SCARA5: variants seen among roughly 807,000 people sequenced by gnomAD.
SCARA5 encodes the protein scavenger receptor class A member 5, also known as scavenger receptor class A, member 5 (putative).
In SCARA5, 45 loss-of-function variants were observed where a neutral mutation model predicts 46.3. The observed-to-expected ratio is 0.97, with a 90% CI of 0.76 to 1.24. SCARA5 has a LOEUF of 1.24. Ranked by LOEUF, SCARA5 falls within the 50% of genes most tolerant of loss-of-function variation. The pLI is 0.00. For missense variants in SCARA5, 680 were observed against 689.0 expected, an observed-to-expected ratio of 0.99 and a Z score of 0.15; for synonymous variants, 333 against 306.5, an observed-to-expected ratio of 1.09 and a Z score of -0.90.
At chr8:27,927,965 T>C (rs1807708512) in intron 3 of SCARA5, among the ~76,000 whole-genome samples, 1 of 152,262 alleles carries the variant, frequency 6.6e-6, no homozygotes, top group Non-Finnish European at 1.5e-5. Context: ...TTCAAGGTGA[T>C]GCATCAGCTC....
At position 27,907,183 on chromosome 8, in the gene SCARA5, C is replaced by T. The variant is rs779801746; in HGVS notation, c.1061G>A (p.Gly354Glu). The T allele has an allele frequency of 6.2e-7, 1 of 1,613,692 alleles. No individual in the cohort carries two copies. Among genetic ancestry groups the T allele is most frequent in the Admixed American group, 1.7e-5 (1 of 59,982 alleles). ...PGPKGDDGKL[G>E]ATGPMGMRGF... ...ACGCATGCCCATTGGTCCTGTGGCC[C>T]CCAGCTTCCCATCATCGCCCTTGGG... is the stretch of plus-strand genomic sequence containing the variant. The change falls in exon 6 of 9, where the codon GGG (glycine) becomes GAG (glutamate). Residue 354 changes from glycine to glutamate, a missense_variant. Gly to Glu is a moderately conservative substitution (Grantham distance 98). Transcript: ENST00000354914.
chr8:27,947,490 A>T (rs922848626), intron 3 of SCARA5, among the ~76,000 whole-genome samples: 2 of 28,452 alleles, frequency 7.0e-5, no homozygotes, highest in Non-Finnish European at 2.9e-4. Context: ...GTCCACTGAC[A>T]GATGGATGGA....
At chr8:27,927,170 C>T (rs971965512) in intron 3 of SCARA5, among the ~76,000 whole-genome samples, 2 of 152,252 alleles carry the variant, frequency 1.3e-5, no homozygotes, top group East Asian at 3.9e-4. Context: ...CTGTGGGGGT[C>T]CCTAAGCCCA....
chr8:27,914,333 C>T (rs1807426458), intron 4 of SCARA5, among the ~76,000 whole-genome samples: 1 of 152,254 alleles, frequency 6.6e-6, no homozygotes, highest in Non-Finnish European at 1.5e-5. Flanking sequence ...TACACCCACC[C>T]TTCTGGTCTC....
intron 3 of SCARA5, among the ~76,000 whole-genome samples, chr8:27,954,186 A>G (rs1808173541): frequency 6.6e-6 from 1 of 152,122 alleles, no homozygotes; most frequent in African/African-American, 2.4e-5. Context: ...CTCTGCTGTC[A>G]GGGACCTTAA....
chr8:27,876,658 T>C (rs1371380241), intron 8 of SCARA5, among the ~76,000 whole-genome samples: 1 of 152,066 alleles, frequency 6.6e-6, no homozygotes. Context: ...CACCGGACAC[T>C]TGGGTCTGGA....
chr8:27,921,897 A>C lies in SCARA5; in HGVS notation c.590T>G (p.Leu197Arg). 6.6e-7 allele frequency: 1 copy of C among 1,508,250 alleles called. No homozygotes were observed. Among genetic ancestry groups the C allele is most frequent in the Non-Finnish European group, 8.8e-7 (1 of 1,136,298 alleles). 93.4% of individuals were successfully genotyped at this position (1,508,250 alleles called of 1,614,324 possible). A position where few individuals can be genotyped will look rare whatever the true frequency, so the allele number is the denominator to read the frequency against. Residue 197 changes from leucine to arginine, a missense_variant, in exon 4 of 9, where the codon CTG becomes CGG. By Grantham distance (102) the Leu-to-Arg change is moderately radical. Transcript: ENST00000354914. Reference sequence around the variant, plus strand: ...CAGGCCCGCGTGGCGCCTCAGCAGCAGCTGGCTACTGTTGCTCTCCACCTG... The same window carrying C: ...CAGGCCCGCGTGGCGCCTCAGCAGCCGCTGGCTACTGTTGCTCTCCACCTG... ...QLQVESNSSQ[L>R]LLRRHAGLLD...
chr8:27,871,217 A>C lies in SCARA5; in HGVS notation c.*717T>G, dbSNP rs1439278288. On this transcript the variant is annotated 3_prime_UTR_variant, in exon 9 of 9. Coordinates refer to ENST00000354914, the MANE Select transcript of SCARA5 (RefSeq NM_173833.6). ...GCTACCTGGAGGTAAGGCTGTATCC[A>C]GACTGACATGCCCTGGACCAATGCA... The C allele has an allele frequency of 6.4e-6, 1 of 155,518 alleles. No individual in the cohort carries two copies. The highest frequency in any genetic ancestry group is 2.4e-5 in the African/African-American group (1 of 41,506). 9.6% of individuals were successfully genotyped at this position (155,518 alleles called of 1,614,324 possible).
At chr8:27,985,216 G>A (rs1452412654) in intron 2 of SCARA5, among the ~76,000 whole-genome samples, 1 of 152,172 alleles carries the variant, frequency 6.6e-6, no homozygotes, top group Non-Finnish European at 1.5e-5. Context: ...CAGGGAAAGG[G>A]GGATGGAAAC....
chr8:27,888,479 C>T (rs1046512317), intron 7 of SCARA5, among the ~76,000 whole-genome samples: 1 of 152,226 alleles, frequency 6.6e-6, no homozygotes, highest in Non-Finnish European at 1.5e-5. Flanking sequence ...CAATGTATAA[C>T]ATCCATGTCT....
intron 2 of SCARA5, among the ~76,000 whole-genome samples, chr8:27,979,589 C>T (rs1004198854): frequency 2.6e-5 from 4 of 151,434 alleles, no homozygotes; most frequent in Non-Finnish European, 2.9e-5. Flanking sequence ...AGTTGTACTC[C>T]GTTGCCCAGG....
intron 6 of SCARA5, among the ~76,000 whole-genome samples, chr8:27,905,612 A>G (rs4515501): frequency 0.72 from 105,723 of 147,458 alleles, 38,389 homozygotes; most frequent in East Asian, 0.8. Context: ...AAGCATTGAC[A>G]GTAGTTATTC....
chr8:27,935,729 G>A (rs1055977470), intron 3 of SCARA5, among the ~76,000 whole-genome samples: 1 of 152,180 alleles, frequency 6.6e-6, no homozygotes, highest in South Asian at 2.1e-4. Context: ...TGGATTCTAG[G>A]ACCAGGCTGT....
intron 3 of SCARA5, among the ~76,000 whole-genome samples, chr8:27,963,253 T>C (rs866317811): frequency 2.0e-5 from 3 of 152,208 alleles, no homozygotes; most frequent in Non-Finnish European, 2.9e-5. Flanking sequence ...GCAAAGGACA[T>C]CTTGCCTGAA....
chr8:27,891,512 T>C (rs1050675343), intron 7 of SCARA5, among the ~76,000 whole-genome samples: 3 of 152,136 alleles, frequency 2.0e-5, no homozygotes, highest in Non-Finnish European at 4.4e-5. Context: ...CCTACTAATA[T>C]AGTTTCTAAT....
intron 2 of SCARA5, among the ~76,000 whole-genome samples, chr8:27,981,249 G>T (rs981572730): frequency 6.6e-6 from 1 of 152,118 alleles, no homozygotes; most frequent in African/African-American, 2.4e-5. Flanking sequence ...CACATCACAG[G>T]GTTTCATAAA....
chr8:27,976,844 G>T (rs890630778), intron 2 of SCARA5, among the ~76,000 whole-genome samples: 3 of 152,106 alleles, frequency 2.0e-5, no homozygotes, highest in African/African-American at 7.2e-5. Context: ...TAGGACTTTG[G>T]GTGCTCCTCG....
intron 2 of SCARA5, among the ~76,000 whole-genome samples, chr8:27,977,422 C>T (rs561517335): frequency 1.3e-5 from 2 of 152,302 alleles, no homozygotes; most frequent in African/African-American, 4.8e-5. Flanking sequence ...CATCTGCCAC[C>T]GGACTCCCAG....
chr8:27,872,892 T>G (rs1032967737), intron 8 of SCARA5, among the ~76,000 whole-genome samples: 1 of 152,160 alleles, frequency 6.6e-6, no homozygotes, highest in African/African-American at 2.4e-5. Context: ...TCACATCCAG[T>G]CACGGGAGGA....
Sources: gnomAD v4.1 joint callset for allele counts (sites outside exome capture counted in the v4.1 genomes callset) on GRCh38, gnomAD v4.1.1 for gene constraint, MANE v1.5 for transcripts, NCBI Gene and HGNC (gene_info 2026-07-23, HGNC 2026-07-21) for gene names.